Variants in PCDH15 observed in about 807,000 individuals in gnomAD.
PCDH15 encodes the protein protocadherin-15.
PCDH15 carries 129 observed loss-of-function variants against 178.5 expected under a neutral mutation model. The observed-to-expected ratio is 0.72, with a 90% CI of 0.63 to 0.84. PCDH15 has a LOEUF of 0.84. PCDH15 is among the 40% of genes least tolerant of loss of function. The pLI is 0.00. For missense variants in PCDH15, 2,230 were observed against 2,099.9 expected (o/e 1.06, Z -1.21); for synonymous variants, 800 against 732.0 (o/e 1.09, Z -1.50).
chr10:54,386,960 T>G (rs1950007467), intron 3 of PCDH15, among the ~76,000 whole-genome samples: 1 of 152,284 alleles, frequency 6.6e-6, no homozygotes, highest in African/African-American at 2.4e-5. Context: ...AATAACAATA[T>G]ATTGTACACT....
At chr10:55,134,779 C>A (rs893826390) in intron 2 of PCDH15, among the ~76,000 whole-genome samples, 5 of 152,064 alleles carry the variant, frequency 3.3e-5, no homozygotes, top group Admixed American at 3.3e-4. Flanking sequence ...AGCTCAGCAG[C>A]GATTGAGTGT....
intron 3 of PCDH15, among the ~76,000 whole-genome samples, chr10:54,512,716 A>C (rs1346744344): frequency 6.6e-6 from 1 of 152,162 alleles, no homozygotes; most frequent in Non-Finnish European, 1.5e-5. Flanking sequence ...TAAAATTACT[A>C]ACACGTAGAA....
chr10:55,423,619 G>T (rs757888056), intron 2 of PCDH15, among the ~76,000 whole-genome samples: 14 of 152,016 alleles, frequency 9.2e-5, no homozygotes, highest in Non-Finnish European at 2.1e-4. Flanking sequence ...TTTCTATATA[G>T]GAGCTTGTTG....
At chr10:54,722,439 G>A (rs565347106) in intron 1 of PCDH15, among the ~76,000 whole-genome samples, 3 of 151,698 alleles carry the variant, frequency 2.0e-5, no homozygotes, top group East Asian at 1.9e-4. Flanking sequence ...AGTCAATTCT[G>A]TTTATCCACT....
chr10:54,407,214 A>G (rs1952798763), intron 3 of PCDH15, among the ~76,000 whole-genome samples: 1 of 152,128 alleles, frequency 6.6e-6, no homozygotes, highest in South Asian at 2.1e-4. Context: ...AAGGATGGAG[A>G]AAATTGATTG....
At chr10:54,974,701 T>C (rs1839023306) in intron 2 of PCDH15, among the ~76,000 whole-genome samples, 2 of 152,102 alleles carry the variant, frequency 1.3e-5, no homozygotes, top group African/African-American at 4.8e-5. Flanking sequence ...TTGTAAAAGG[T>C]TGAATAAGTT....
At chr10:55,088,789 A>G (rs574021810) in intron 2 of PCDH15, among the ~76,000 whole-genome samples, 26 of 140,494 alleles carry the variant, frequency 1.9e-4, no homozygotes, top group Non-Finnish European at 3.2e-4. Flanking sequence ...CTTCATAAAT[A>G]AAAATATATT....
intron 15 of PCDH15, among the ~76,000 whole-genome samples, chr10:54,103,678 C>A (rs912254347): frequency 6.6e-6 from 1 of 152,136 alleles, no homozygotes; most frequent in Non-Finnish European, 1.5e-5. Flanking sequence ...AAGAGAGATC[C>A]GGCATTTCCA....
At chr10:53,976,502 C>T (rs375555280) in intron 21 of PCDH15, among the ~76,000 whole-genome samples, 13 of 152,252 alleles carry the variant, frequency 8.5e-5, no homozygotes, top group African/African-American at 2.9e-4. Context: ...CTGTAAGACT[C>T]TTGCATCATT....
intron 2 of PCDH15, among the ~76,000 whole-genome samples, chr10:55,436,480 G>C (rs1413039345): frequency 2.0e-5 from 3 of 151,798 alleles, no homozygotes; most frequent in Non-Finnish European, 4.4e-5. Flanking sequence ...ATAGGATGTA[G>C]GTTTATTTTT....
intron 14 of PCDH15, 36 bp downstream of exon 14, chr10:54,153,064 C>A: frequency 6.2e-7 from 1 of 1,610,000 alleles, no homozygotes; most frequent in Non-Finnish European, 8.5e-7. Flanking sequence ...TAAACGGGCC[C>A]GATGAAAAGA....
intron 2 of PCDH15, among the ~76,000 whole-genome samples, chr10:54,634,992 A>G (rs1026994584): frequency 1.3e-5 from 2 of 151,794 alleles, no homozygotes; most frequent in African/African-American, 4.8e-5. Context: ...TGTATGATTT[A>G]TAGAGCAGAG....
intron 1 of PCDH15, among the ~76,000 whole-genome samples, chr10:55,299,335 G>T (rs1409565538): frequency 6.6e-6 from 1 of 152,056 alleles, no homozygotes; most frequent in Admixed American, 6.6e-5. Context: ...TTAATTAAAG[G>T]TGTTACTTGT....
upstream of PCDH15, among the ~76,000 whole-genome samples, chr10:55,320,643 A>AC (rs200814359): frequency 1.6e-3 from 243 of 151,128 alleles, 1 homozygote; most frequent in East Asian, 6.6e-3. Context: ...GCCTGATGCC[A>AC]CCCCCCCCAG....
At chr10:54,956,903 T>G (rs938375287) in intron 2 of PCDH15, among the ~76,000 whole-genome samples, 1 of 151,646 alleles carries the variant, frequency 6.6e-6, no homozygotes, top group African/African-American at 2.4e-5. Context: ...ATATGGAATA[T>G]GCTCGAAATC....
intron 8 of PCDH15, among the ~76,000 whole-genome samples, chr10:54,246,056 T>G (rs58665241): frequency 0.014 from 2,135 of 152,056 alleles, 55 homozygotes; most frequent in African/African-American, 0.048. Flanking sequence ...ACTTCAGGAT[T>G]GCACTTTGAG....
intron 3 of PCDH15, among the ~76,000 whole-genome samples, chr10:54,885,610 A>G (rs1224476098): frequency 6.6e-6 from 1 of 152,146 alleles, no homozygotes; most frequent in African/African-American, 2.4e-5. Context: ...CGTAGTAATC[A>G]ATATGAAAAT....
Position 53,806,488 on chromosome 10 carries a change from AT to A in PCDH15, c.*90del. On this transcript the variant is annotated 3_prime_UTR_variant, in exon 38 of 38. Transcript: ENST00000644397. ...GTTTTAGCTTGTGTGCATGATATAA[AT>A]TCCATACATTGTTTTCTCAGTGACA... The A allele has an allele frequency of 2.6e-6, 3 of 1,133,268 alleles. No homozygotes were observed. The highest frequency in any genetic ancestry group is 3.7e-6 in the Non-Finnish European group (3 of 810,092). The allele number at this position is 1,133,268 out of a possible 1,614,324, so 70.2% of individuals were successfully genotyped here.
At chr10:54,339,923 G>A (rs1330321348) in intron 6 of PCDH15, among the ~76,000 whole-genome samples, 1 of 152,076 alleles carries the variant, frequency 6.6e-6, no homozygotes, top group African/African-American at 2.4e-5. Flanking sequence ...CCCTGACCCT[G>A]CTCCTTGGTT....
Sources: gnomAD v4.1 joint callset for allele counts (sites outside exome capture counted in the v4.1 genomes callset) on GRCh38, gnomAD v4.1.1 for gene constraint, MANE v1.5 for transcripts, NCBI Gene and HGNC (gene_info 2026-07-23, HGNC 2026-07-21) for gene names.